BCL11A: variants seen among roughly 807,000 people sequenced by gnomAD.
The protein encoded by BCL11A is BCL11 transcription factor A.
Under a neutral mutation model 55.9 loss-of-function variants are expected in BCL11A, and 2 were observed. That is an observed-to-expected ratio of 0.04 (90% CI 0.01 to 0.11). The LOEUF is 0.11. BCL11A is among the 10% of genes least tolerant of loss of function. BCL11A has a pLI of 1.00. For synonymous variants in BCL11A, 465 were observed against 473.4 expected (o/e 0.98, Z 0.23); for missense variants, 817 against 1,137.1 (o/e 0.72, Z 4.05).
At chr2:60,503,120 A>T (rs969298609) in intron 2 of BCL11A, among the ~76,000 whole-genome samples, 1 of 152,200 alleles carries the variant, frequency 6.6e-6, no homozygotes, top group Non-Finnish European at 1.5e-5. Context: ...TCCACTCTGC[A>T]TTTGTCCTGG....
chr2:60,460,871 G>C lies in BCL11A; in HGVS notation c.2041C>G (p.Gln681Glu). 8.1e-6 allele frequency: 13 copies of C among 1,613,226 alleles called. No homozygotes were observed. Among genetic ancestry groups the C allele is most frequent in the African/African-American group, 1.3e-5 (1 of 75,080 alleles). ...TCCGACGAGGAGGCAAAAGGCGATT[G>C]TCTGGAGTCTCCGAAGCTAAGGAAG... Reference protein sequence around the residue: ...DPFLSFGDSRQSPFASSSEHS... With the variant: ...DPFLSFGDSRESPFASSSEHS... Residue 681 changes from glutamine (Q) to glutamate (E), a missense_variant, in exon 4 of 4, where the codon CAA (glutamine) becomes GAA (glutamate). Gln to Glu is a conservative substitution (Grantham distance 29, BLOSUM62 2). Transcript: ENST00000642384.
rs1041415577 is a variant in BCL11A at position 60,540,780 on chromosome 2, C to T, written c.385+5191G>A. Among the ~76,000 whole-genome samples, 9 of 152,144 alleles carry T rather than the reference C, an allele frequency of 5.9e-5. No individual in the cohort carries two copies. The East Asian group carries it at 7.7e-4, about 13-fold the overall frequency. On this transcript the variant is annotated intron_variant, in intron 2 of 3. Transcript: ENST00000642384. ...GTTGCCTGTCCTGACCCTGCCTGCA[C>T]GTTTCTACACCCAGTTGCATTTTCC...
At chr2:60,479,181 C>T (rs765881778) in intron 2 of BCL11A, among the ~76,000 whole-genome samples, 1 of 152,154 alleles carries the variant, frequency 6.6e-6, no homozygotes, top group Non-Finnish European at 1.5e-5. Context: ...TGAGTAACAT[C>T]CAATGTTCCC....
intron 2 of BCL11A, among the ~76,000 whole-genome samples, chr2:60,496,919 C>A (rs963865490): frequency 1.3e-5 from 2 of 152,226 alleles, no homozygotes; most frequent in Non-Finnish European, 2.9e-5. Context: ...CCCATTTCCC[C>A]ATGGACAGTC....
At chr2:60,473,482 A>T (rs970038609) in intron 2 of BCL11A, among the ~76,000 whole-genome samples, 7 of 152,006 alleles carry the variant, frequency 4.6e-5, no homozygotes, top group African/African-American at 1.7e-4. Flanking sequence ...CACCTTCTAG[A>T]CTACACTTAA....
intron 2 of BCL11A, among the ~76,000 whole-genome samples, chr2:60,487,203 G>A (rs1246295391): frequency 1.3e-5 from 2 of 152,208 alleles, no homozygotes; most frequent in African/African-American, 4.8e-5. Flanking sequence ...TTTAATCAAT[G>A]AAAGAGTAAG....
At chr2:60,537,287 A>C (rs1376237005) in intron 2 of BCL11A, 1 of 152,220 alleles carries the variant, frequency 6.6e-6, no homozygotes. Context: ...TAAAGGAATA[A>C]TTTTTTTAAA....
At chr2:60,529,287 C>T (rs923850624) in intron 2 of BCL11A, among the ~76,000 whole-genome samples, 8 of 152,292 alleles carry the variant, frequency 5.3e-5, no homozygotes, top group Middle Eastern at 3.4e-3. Context: ...CTGAGCCCAG[C>T]GCCCCCACAT....
At chr2:60,532,682 C>T (rs926961702) in intron 2 of BCL11A, among the ~76,000 whole-genome samples, 1 of 152,182 alleles carries the variant, frequency 6.6e-6, no homozygotes, top group African/African-American at 2.4e-5. Context: ...AAACAGTTTG[C>T]CACAGTGAGA....
intron 2 of BCL11A, among the ~76,000 whole-genome samples, chr2:60,519,815 C>T (rs1169898995): frequency 1.3e-5 from 2 of 152,172 alleles, no homozygotes; most frequent in Admixed American, 1.3e-4. Flanking sequence ...CTAAATTACT[C>T]CAATGACAAA....
intron 3 of BCL11A, 139 bp downstream of exon 3, chr2:60,468,593 C>A: frequency 1.7e-6 from 1 of 590,092 alleles, no homozygotes; most frequent in Non-Finnish European, 2.9e-6. Context: ...GGAGCGGCTG[C>A]CAAGTGAGTA....
intron 2 of BCL11A, among the ~76,000 whole-genome samples, chr2:60,491,139 C>G (rs1678604623): frequency 6.6e-6 from 1 of 152,188 alleles, no homozygotes; most frequent in East Asian, 1.9e-4. Context: ...TGAAGCCCAA[C>G]TACGTGGTTG....
chr2:60,518,321 C>A (rs1668825715), intron 2 of BCL11A, among the ~76,000 whole-genome samples: 1 of 152,142 alleles, frequency 6.6e-6, no homozygotes, highest in Non-Finnish European at 1.5e-5. Context: ...AGGATTAGAC[C>A]TACCGTTCCA....
intron 2 of BCL11A, among the ~76,000 whole-genome samples, chr2:60,485,675 C>T (rs1443449911): frequency 2.0e-5 from 3 of 152,190 alleles, no homozygotes; most frequent in Non-Finnish European, 4.4e-5. Context: ...TGAGAAACAA[C>T]GCTTGCTATT....
intron 2 of BCL11A, among the ~76,000 whole-genome samples, chr2:60,482,060 C>CTTG: frequency 6.6e-6 from 1 of 152,198 alleles, no homozygotes; most frequent in Non-Finnish European, 1.5e-5. Flanking sequence ...TCCAGTTCAT[C>CTTG]AAGGTCACTT....
At chr2:60,501,326 A>G (rs1011309415) in intron 2 of BCL11A, among the ~76,000 whole-genome samples, 1 of 152,086 alleles carries the variant, frequency 6.6e-6, no homozygotes, top group Non-Finnish European at 1.5e-5. Context: ...TCTGTCTTTA[A>G]TATCTATAAG....
At chr2:60,465,789 T>A (rs1189054021) in intron 3 of BCL11A, among the ~76,000 whole-genome samples, 1 of 152,240 alleles carries the variant, frequency 6.6e-6, no homozygotes, top group Non-Finnish European at 1.5e-5. Flanking sequence ...TCAGGTCGAA[T>A]GTGAATGTGA....
chr2:60,461,546 CCAA>C lies in BCL11A; in HGVS notation c.1363_1365del (p.Leu455del). ...TTGAGCGCGCTGCTGGCGCTGCCCACCAAGTCGCTGGTGCCGGGTTCCGGGGAG... is the reference window on the plus strand; with the variant it reads ...TTGAGCGCGCTGCTGGCGCTGCCCACGTCGCTGGTGCCGGGTTCCGGGGAG... On this transcript the variant is annotated inframe_deletion, in exon 4 of 4. Coordinates refer to ENST00000642384, the MANE Select transcript of BCL11A (RefSeq NM_022893.4). 6.2e-7 allele frequency: 1 copy of C among 1,610,556 alleles called. No homozygotes were observed. The highest frequency in any genetic ancestry group is 8.5e-7 in the Non-Finnish European group (1 of 1,180,012).
At chr2:60,463,216 T>C (rs978338042) in intron 3 of BCL11A, among the ~76,000 whole-genome samples, 1 of 152,230 alleles carries the variant, frequency 6.6e-6, no homozygotes, top group Admixed American at 6.5e-5. Flanking sequence ...ACGGATAGGC[T>C]GTATCCAATC....
Sources: allele counts gnomAD v4.1 joint callset (sites outside exome capture counted in the v4.1 genomes callset), GRCh38; gene constraint gnomAD v4.1.1; transcripts MANE v1.5; gene names NCBI Gene and HGNC (gene_info 2026-07-23, HGNC 2026-07-21).